Variants in SUMF1 observed in about 807,000 individuals in gnomAD.
SUMF1 encodes formylglycine-generating enzyme.
Under a neutral mutation model 47.6 loss-of-function variants are expected in SUMF1, and 48 were observed. That is an observed-to-expected ratio of 1.01 (90% CI 0.80 to 1.28). SUMF1 has a LOEUF of 1.28. SUMF1 is among the 50% of genes most tolerant of loss of function. SUMF1 has a pLI of 0.00. For missense variants in SUMF1, 571 were observed against 485.4 expected (o/e 1.18, Z -1.66); for synonymous variants, 230 against 192.1 (o/e 1.20, Z -1.63).
intron 8 of SUMF1, among the ~76,000 whole-genome samples, chr3:4,135,248 A>C (rs1693897347): frequency 6.6e-6 from 1 of 152,192 alleles, no homozygotes; most frequent in African/African-American, 2.4e-5. Context: ...AAGTGAATCC[A>C]GCAGCACATC....
At chr3:4,100,101 A>G (rs1692999584) in intron 8 of SUMF1, among the ~76,000 whole-genome samples, 1 of 151,214 alleles carries the variant, frequency 6.6e-6, no homozygotes, top group Admixed American at 6.6e-5. Flanking sequence ...ATATTATTAA[A>G]TTGTCTATAG....
intron 3 of SUMF1, among the ~76,000 whole-genome samples, chr3:4,440,256 A>AT (rs1702539216): frequency 7.0e-6 from 1 of 143,078 alleles, no homozygotes; most frequent in South Asian, 2.5e-4. Flanking sequence ...AAAAAAAAAA[A>AT]AAAAAAAAGA....
At chr3:4,318,888 AGAGT>A (rs1248101300) in intron 8 of SUMF1, among the ~76,000 whole-genome samples, 1 of 152,222 alleles carries the variant, frequency 6.6e-6, no homozygotes, top group Non-Finnish European at 1.5e-5. Flanking sequence ...TCCAGGTGAC[AGAGT>A]GAGACTGCCT....
intron 8 of SUMF1, among the ~76,000 whole-genome samples, chr3:4,180,280 G>T (rs1444011206): frequency 1.3e-5 from 2 of 152,036 alleles, no homozygotes; most frequent in Non-Finnish European, 2.9e-5. Flanking sequence ...AATAGCAAAG[G>T]CTTGGAACCA....
chr3:4,090,736 A>G (rs1692767209), intron 8 of SUMF1, among the ~76,000 whole-genome samples: 1 of 152,126 alleles, frequency 6.6e-6, no homozygotes, highest in South Asian at 2.1e-4. Flanking sequence ...ACCTGCCATT[A>G]CTACAACCAC....
intron 8 of SUMF1, among the ~76,000 whole-genome samples, chr3:4,231,289 T>C (rs1188955754): frequency 1.3e-5 from 2 of 152,152 alleles, no homozygotes; most frequent in African/African-American, 4.8e-5. Flanking sequence ...GACTTCAGTT[T>C]CCCTGTTAAT....
intron 8 of SUMF1, among the ~76,000 whole-genome samples, chr3:4,295,632 T>C (rs1480273669): frequency 1.3e-5 from 2 of 152,198 alleles, no homozygotes; most frequent in Non-Finnish European, 2.9e-5. Flanking sequence ...TGAATACGCA[T>C]GATAATAAAT....
At chr3:4,232,031 G>A (rs1696309734) in intron 8 of SUMF1, among the ~76,000 whole-genome samples, 1 of 152,132 alleles carries the variant, frequency 6.6e-6, no homozygotes, top group Non-Finnish European at 1.5e-5. Flanking sequence ...TGAAACTAGT[G>A]AGTGTCTCAT....
At chr3:4,366,142 C>G (rs907581213) in intron 8 of SUMF1, among the ~76,000 whole-genome samples, 2 of 151,932 alleles carry the variant, frequency 1.3e-5, no homozygotes, top group African/African-American at 4.8e-5. Flanking sequence ...CTCTGGCTGC[C>G]CTTAGCATTT....
At chr3:4,041,386 A>T (rs142980404) in intron 9 of SUMF1, among the ~76,000 whole-genome samples, 2 of 152,196 alleles carry the variant, frequency 1.3e-5, no homozygotes, top group Non-Finnish European at 2.9e-5. Context: ...ATTCTTTATG[A>T]TGATATATCA....
intron 3 of SUMF1, among the ~76,000 whole-genome samples, chr3:4,437,715 GA>G (rs1297578630): frequency 6.6e-6 from 1 of 152,148 alleles, no homozygotes; most frequent in Non-Finnish European, 1.5e-5. Context: ...GAGGTAGGGG[GA>G]TCACTTGAGT....
intron 8 of SUMF1, among the ~76,000 whole-genome samples, chr3:4,116,312 G>GT (rs1693423301): frequency 6.6e-6 from 1 of 152,138 alleles, no homozygotes; most frequent in African/African-American, 2.4e-5. Flanking sequence ...AGAAACGCAA[G>GT]TAAGAACAAT....
intron 8 of SUMF1, among the ~76,000 whole-genome samples, chr3:4,308,658 G>C (rs1334128069): frequency 6.6e-6 from 1 of 152,186 alleles, no homozygotes; most frequent in Non-Finnish European, 1.5e-5. Flanking sequence ...GCTGTGGTTT[G>C]TGTCTCCTTT....
chr3:4,280,155 C>G (rs1192702985), intron 8 of SUMF1, among the ~76,000 whole-genome samples: 1 of 152,088 alleles, frequency 6.6e-6, no homozygotes, highest in Non-Finnish European at 1.5e-5. Context: ...TTAAGCCATT[C>G]CACAATGTAT....
At chr3:4,105,324 ATTATAG>A (rs1300746524) in intron 8 of SUMF1, among the ~76,000 whole-genome samples, 2 of 152,144 alleles carry the variant, frequency 1.3e-5, no homozygotes, top group African/African-American at 4.8e-5. Flanking sequence ...TAGGCTGGTG[ATTATAG>A]TTAATAACAA....
chr3:4,279,542 G>C (rs1222681568), intron 8 of SUMF1, among the ~76,000 whole-genome samples: 1 of 152,074 alleles, frequency 6.6e-6, no homozygotes, highest in African/African-American at 2.4e-5. Context: ...ACAAATAGTA[G>C]GCGCTATGAT....
At chr3:4,202,752 C>T (rs903792335) in intron 8 of SUMF1, among the ~76,000 whole-genome samples, 1 of 151,524 alleles carries the variant, frequency 6.6e-6, no homozygotes, top group African/African-American at 2.4e-5. Context: ...TTACTGTAAC[C>T]CATCAGTTTT....
rs144046365 is a variant in SUMF1 at position 4,277,068 on chromosome 3, C to T, written c.1014+99262G>A. Among the ~76,000 whole-genome samples, 381 of 152,190 alleles carry T rather than the reference C, an allele frequency of 2.5e-3. 3 individuals are homozygous for T. Among genetic ancestry groups the T allele is most frequent in the African/African-American group, 8.6e-3 (359 of 41,552 alleles). On this transcript the variant is annotated intron_variant and NMD_transcript_variant, in intron 8 of 12. Transcript: ENST00000448413. ...ATAATCTAATCCAGTGGTTCCCAAACCTTGTTAGGCAGTCTATTATACGCG... is the reference window on the plus strand; with the variant it reads ...ATAATCTAATCCAGTGGTTCCCAAATCTTGTTAGGCAGTCTATTATACGCG...
At chr3:4,092,294 G>A (rs7615298) in intron 8 of SUMF1, among the ~76,000 whole-genome samples, 8,071 of 152,082 alleles carry the variant, frequency 0.053, 567 homozygotes, top group East Asian at 0.16. Context: ...GAAATCACCA[G>A]AAGATCCCAA....
Sources: allele counts gnomAD v4.1 joint callset (sites outside exome capture counted in the v4.1 genomes callset), GRCh38; gene constraint gnomAD v4.1.1; transcripts MANE v1.5; gene names NCBI Gene and HGNC (gene_info 2026-07-23, HGNC 2026-07-21).